Variants in SLC44A1 observed in about 807,000 individuals in gnomAD.
The protein encoded by SLC44A1 is choline transporter-like protein 1.
Under a neutral mutation model 79.3 loss-of-function variants are expected in SLC44A1, and 26 were observed. The ratio of observed to expected loss-of-function variants is 0.33; its 90% CI spans 0.24 to 0.46. The LOEUF (loss-of-function observed/expected upper bound fraction) is 0.46, where lower values mean the gene tolerates loss of function less well. Among genes scored for constraint, SLC44A1 ranks in the 20% least tolerant of loss-of-function variants. The pLI is 1.00. For missense variants in SLC44A1, 688 were observed against 798.1 expected (o/e 0.86, Z 1.66); for synonymous variants, 263 against 286.2 (o/e 0.92, Z 0.82).
intron 15 of SLC44A1, chr9:105,385,740 G>T (rs778783208): frequency 4.1e-6 from 4 of 985,388 alleles, no homozygotes; most frequent in Non-Finnish European, 4.8e-6. Context: ...TCAGTGCTCG[G>T]CAGGGGCGGG....
At chr9:105,337,600 G>A (rs947154588) in intron 4 of SLC44A1, among the ~76,000 whole-genome samples, 1 of 152,050 alleles carries the variant, frequency 6.6e-6, no homozygotes, top group African/African-American at 2.4e-5. Context: ...CCCTTGCTCG[G>A]AAATCATCCA....
chr9:105,322,966 T>G (rs1826441094), intron 3 of SLC44A1, among the ~76,000 whole-genome samples: 1 of 151,716 alleles, frequency 6.6e-6, no homozygotes, highest in Non-Finnish European at 1.5e-5. Context: ...CTCATGTCTG[T>G]AATCCCAGCA....
chr9:105,365,409 C>A, intron 10 of SLC44A1, 74 bp from the exon 11 acceptor site: 1 of 1,216,628 alleles, frequency 8.2e-7, no homozygotes, highest in Non-Finnish European at 1.2e-6. Flanking sequence ...CTGCGTTGGA[C>A]TCTAAACCAT....
In SLC44A1 at chr9:105,395,643, C is replaced by T. The variant is rs946291221; in HGVS notation, c.*6587C>T. 105 of 985,206 alleles carry T rather than the reference C, an allele frequency of 1.1e-4. No individual in the cohort carries two copies. The highest frequency in any genetic ancestry group is 1.2e-4 in the Non-Finnish European group (97 of 829,864). 61.0% of individuals were successfully genotyped at this position (985,206 alleles called of 1,614,324 possible). A position where few individuals can be genotyped will look rare whatever the true frequency, so the allele number is the denominator to read the frequency against. ...CTAAATGTGATATGCCCTTTTGTCACAGAAGTGTAAGACTTAAAGGGAATA... is the reference window on the plus strand; with the variant it reads ...CTAAATGTGATATGCCCTTTTGTCATAGAAGTGTAAGACTTAAAGGGAATA... On this transcript the variant is annotated 3_prime_UTR_variant, in exon 16 of 16. Coordinates refer to ENST00000374720, the MANE Select transcript of SLC44A1 (RefSeq NM_080546.5).
At chr9:105,246,730 C>G (rs1360521747) in intron 1 of SLC44A1, among the ~76,000 whole-genome samples, 1 of 152,124 alleles carries the variant, frequency 6.6e-6, no homozygotes, top group Non-Finnish European at 1.5e-5. Flanking sequence ...GCCTTTAAGA[C>G]AGAAAAGTAT....
At chr9:105,299,124 C>A in intron 1 of SLC44A1, 96 bp from the exon 2 acceptor site, 1 of 837,264 alleles carries the variant, frequency 1.2e-6, no homozygotes, top group Non-Finnish European at 1.9e-6. Flanking sequence ...ACTTGTTTGG[C>A]AAAGAAGGGC....
At chr9:105,416,138 C>T (rs1195647693) in intron 15 of SLC44A1, among the ~76,000 whole-genome samples, 1 of 151,984 alleles carries the variant, frequency 6.6e-6, no homozygotes, top group Non-Finnish European at 1.5e-5. Flanking sequence ...CTCAAAAGAT[C>T]CACCCATCTT....
chr9:105,417,641 A>C (rs1829188654), intron 15 of SLC44A1, among the ~76,000 whole-genome samples: 1 of 152,126 alleles, frequency 6.6e-6, no homozygotes, highest in African/African-American at 2.4e-5. Flanking sequence ...CACACAGCAG[A>C]TTCTTAATAA....
chr9:105,378,028 A>G lies in SLC44A1; in HGVS notation c.1632+3293A>G, dbSNP rs140175866. On this transcript the variant is annotated intron_variant, in intron 13 of 15. Coordinates refer to ENST00000374720, the MANE Select transcript of SLC44A1 (RefSeq NM_080546.5). ...TTTGGGAGGCTAAGGTGGGTGGATC[A>G]CTTGAGGTCAGGAGTTCGAGACCAG... Among the ~76,000 whole-genome samples, 501 of 152,306 alleles carry G rather than the reference A, an allele frequency of 3.3e-3. 1 individual carries two copies. Among genetic ancestry groups the G allele is most frequent in the African/African-American group, 0.011 (477 of 41,580 alleles).
At chr9:105,412,049 A>G (rs1829101748) in intron 15 of SLC44A1, among the ~76,000 whole-genome samples, 2 of 152,214 alleles carry the variant, frequency 1.3e-5, no homozygotes. Flanking sequence ...GTGTTTTCAT[A>G]TAATGATGAT....
intron 1 of SLC44A1, among the ~76,000 whole-genome samples, chr9:105,270,396 T>A (rs919203289): frequency 6.6e-6 from 1 of 152,152 alleles, no homozygotes; most frequent in Non-Finnish European, 1.5e-5. Flanking sequence ...GCCTGAGTGA[T>A]CAAAAAGGTG....
chr9:105,383,556 C>G (rs939846624), intron 14 of SLC44A1, among the ~76,000 whole-genome samples, 197 bp downstream of exon 14: 1 of 152,208 alleles, frequency 6.6e-6, no homozygotes, highest in Non-Finnish European at 1.5e-5. Flanking sequence ...AAGATCATTT[C>G]AGATCCACCT....
At chr9:105,304,007 A>G (rs1830950892) in intron 2 of SLC44A1, among the ~76,000 whole-genome samples, 2 of 152,336 alleles carry the variant, frequency 1.3e-5, no homozygotes, top group African/African-American at 4.8e-5. Context: ...AGGAAAGGGA[A>G]GTGTGGAATG....
intron 4 of SLC44A1, among the ~76,000 whole-genome samples, chr9:105,336,468 G>A (rs1826924064): frequency 6.6e-6 from 1 of 152,124 alleles, no homozygotes; most frequent in African/African-American, 2.4e-5. Flanking sequence ...CACATGGCTT[G>A]CCTCAGTTCT....
intron 15 of SLC44A1, among the ~76,000 whole-genome samples, chr9:105,423,465 C>CATAAA (rs1246841046): frequency 3.9e-4 from 60 of 152,186 alleles, no homozygotes; most frequent in Middle Eastern, 3.4e-3. Context: ...GGCTCGGTCT[C>CATAAA]ATAAAATAAA....
At chr9:105,429,639 C>A (rs10119483) in intron 15 of SLC44A1, among the ~76,000 whole-genome samples, 6,185 of 152,098 alleles carry the variant, frequency 0.041, 403 homozygotes, top group African/African-American at 0.14. Flanking sequence ...GTAATTATGC[C>A]TACTGAGGGG....
At chr9:105,302,343 C>A (rs950577193) in intron 2 of SLC44A1, among the ~76,000 whole-genome samples, 2 of 151,892 alleles carry the variant, frequency 1.3e-5, no homozygotes, top group East Asian at 3.9e-4. Flanking sequence ...TAGCTGGGAT[C>A]TCTTCTTTTT....
intron 3 of SLC44A1, among the ~76,000 whole-genome samples, chr9:105,329,751 T>C (rs1826692238): frequency 6.6e-6 from 1 of 152,144 alleles, no homozygotes; most frequent in Non-Finnish European, 1.5e-5. Flanking sequence ...TGCAGTTCCT[T>C]AAATATGCTC....
At chr9:105,363,901 A>G (rs563286439) in intron 9 of SLC44A1, among the ~76,000 whole-genome samples, 16 of 152,368 alleles carry the variant, frequency 1.1e-4, no homozygotes, top group African/African-American at 3.8e-4. Flanking sequence ...ATTCATTCTA[A>G]GATGAACCAG....
Sources: gnomAD v4.1 joint callset for allele counts (sites outside exome capture counted in the v4.1 genomes callset) on GRCh38, gnomAD v4.1.1 for gene constraint, MANE v1.5 for transcripts, NCBI Gene and HGNC (gene_info 2026-07-23, HGNC 2026-07-21) for gene names.